The following AUTS2 variants were observed in gnomAD, a reference collection of about 807,000 sequenced individuals.
AUTS2 encodes the protein activator of transcription and developmental regulator AUTS2, also known as autism susceptibility gene 2 protein.
AUTS2 carries 17 observed loss-of-function variants against 112.4 expected under a neutral mutation model. That is an observed-to-expected ratio of 0.15 (90% CI 0.10 to 0.23). The LOEUF is 0.23. AUTS2 is among the 10% of genes least tolerant of loss of function. The pLI is 1.00. For missense variants in AUTS2, 1,510 were observed against 1,701.6 expected (o/e 0.89, Z 1.98); for synonymous variants, 751 against 702.7 (o/e 1.07, Z -1.09).
chr7:69,951,449 C>T (rs1797023231), intron 2 of AUTS2, among the ~76,000 whole-genome samples: 1 of 152,126 alleles, frequency 6.6e-6, no homozygotes, highest in African/African-American at 2.4e-5. Context: ...TCCATGCTAC[C>T]TGATAAAGCA....
intron 4 of AUTS2, chr7:70,290,648 CATTT>C: frequency 7.3e-7 from 1 of 1,377,782 alleles, no homozygotes; most frequent in Non-Finnish European, 9.3e-7. Context: ...GTTTAACCTT[CATTT>C]GTTTCTCTTT....
intron 4 of AUTS2, among the ~76,000 whole-genome samples, chr7:70,357,575 G>T (rs866885373): frequency 2.6e-5 from 4 of 152,110 alleles, no homozygotes; most frequent in Admixed American, 2.0e-4. Context: ...CTTGAAAGAG[G>T]TACACACTCT....
chr7:69,870,447 T>TC (rs1793431984), intron 1 of AUTS2, among the ~76,000 whole-genome samples: 1 of 2,534 alleles, frequency 3.9e-4, no homozygotes, highest in African/African-American at 2.5e-3. Flanking sequence ...TATGTGTGTG[T>TC]AATATATATA....
chr7:70,333,437 C>T (rs748739912), intron 4 of AUTS2, among the ~76,000 whole-genome samples: 6 of 152,100 alleles, frequency 3.9e-5, no homozygotes, highest in African/African-American at 9.7e-5. Context: ...TAGCATTTGA[C>T]CCAGCAATCT....
intron 1 of AUTS2, among the ~76,000 whole-genome samples, chr7:69,776,890 T>C (rs210597): frequency 0.98 from 149,992 of 152,324 alleles, 73,855 homozygotes; most frequent in Middle Eastern, 1. Context: ...ACAAGTAATA[T>C]AAGAGGAGCT....
intron 1 of AUTS2, among the ~76,000 whole-genome samples, chr7:69,701,730 T>A (rs560332059): frequency 6.6e-6 from 1 of 152,346 alleles, no homozygotes; most frequent in Non-Finnish European, 1.5e-5. Context: ...TTTTATTTTA[T>A]CTCAGTCTCA....
At chr7:70,783,492 G>A (rs942067799) in intron 15 of AUTS2, 13 of 152,144 alleles carry the variant, frequency 8.5e-5, no homozygotes, top group Non-Finnish European at 1.9e-4. Context: ...CAACCCCTAC[G>A]TTTAATCCAT....
At chr7:70,452,161 T>G (rs1796560974) in intron 5 of AUTS2, among the ~76,000 whole-genome samples, 1 of 152,084 alleles carries the variant, frequency 6.6e-6, no homozygotes, top group South Asian at 2.1e-4. Context: ...AATCTAGATA[T>G]AAAATACCTA....
chr7:70,191,490 G>C (rs1809890417), intron 4 of AUTS2, among the ~76,000 whole-genome samples: 1 of 151,890 alleles, frequency 6.6e-6, no homozygotes, highest in South Asian at 2.1e-4. Context: ...CTTAATGATG[G>C]GAAAACTGGT....
intron 4 of AUTS2, among the ~76,000 whole-genome samples, chr7:70,366,143 AAG>A (rs200019411): frequency 1.3e-5 from 2 of 151,710 alleles, no homozygotes; most frequent in East Asian, 1.9e-4. Context: ...TCATTTATTA[AAG>A]AGAGAGAGAG....
At chr7:69,729,994 ATTTTT>A (rs10684331) in intron 1 of AUTS2, among the ~76,000 whole-genome samples, 1 of 56,748 alleles carries the variant, frequency 1.8e-5, no homozygotes, top group East Asian at 6.3e-4. Context: ...TGTTGTTTTA[ATTTTT>A]TTTTTTTTTT....
chr7:70,183,587 G>C (rs1222670704), intron 4 of AUTS2, among the ~76,000 whole-genome samples: 3 of 152,200 alleles, frequency 2.0e-5, no homozygotes, highest in African/African-American at 7.2e-5. Context: ...AGGGCTATCA[G>C]CCCTGCTGTG....
At chr7:69,888,584 T>A (rs996675627) in intron 1 of AUTS2, among the ~76,000 whole-genome samples, 2 of 146,332 alleles carry the variant, frequency 1.4e-5, no homozygotes, top group Non-Finnish European at 3.0e-5. Flanking sequence ...TATGGTTTTT[T>A]AAATTATTAT....
intron 4 of AUTS2, among the ~76,000 whole-genome samples, chr7:70,305,119 A>G (rs1028509267): frequency 5.9e-5 from 9 of 152,120 alleles, no homozygotes; most frequent in Non-Finnish European, 8.8e-5. Flanking sequence ...TGATAATACC[A>G]TAATTTACCT....
chr7:70,036,658 C>G (rs1801016236), intron 2 of AUTS2, among the ~76,000 whole-genome samples: 1 of 152,182 alleles, frequency 6.6e-6, no homozygotes, highest in Admixed American at 6.5e-5. Context: ...ATCCAGAGAC[C>G]TTCAGATAGC....
chr7:70,283,834 T>A (rs1788334199), intron 4 of AUTS2, among the ~76,000 whole-genome samples: 1 of 152,028 alleles, frequency 6.6e-6, no homozygotes, highest in South Asian at 2.1e-4. Flanking sequence ...AGATCATTTT[T>A]TAAAAAAGGA....
chr7:69,664,967 G>A (rs1000440166), intron 1 of AUTS2, among the ~76,000 whole-genome samples: 2 of 152,186 alleles, frequency 1.3e-5, no homozygotes, highest in African/African-American at 4.8e-5. Context: ...AGGGAAGAAA[G>A]AGAAGATTTG....
chr7:69,617,240 A>G (rs1349719985), intron 1 of AUTS2, among the ~76,000 whole-genome samples: 1 of 152,144 alleles, frequency 6.6e-6, no homozygotes, highest in Non-Finnish European at 1.5e-5. Flanking sequence ...CCATCTCCTC[A>G]TGTATGGTAA....
intron 5 of AUTS2, among the ~76,000 whole-genome samples, chr7:70,536,717 A>G (rs969862898): frequency 6.6e-6 from 1 of 151,696 alleles, no homozygotes; most frequent in Non-Finnish European, 1.5e-5. Context: ...CCTGACCAAC[A>G]TGGAGAAACT....
Sources: gnomAD v4.1 joint callset for allele counts (sites outside exome capture counted in the v4.1 genomes callset) on GRCh38, gnomAD v4.1.1 for gene constraint, MANE v1.5 for transcripts, NCBI Gene and HGNC (gene_info 2026-07-23, HGNC 2026-07-21) for gene names.